Variants in KIF26A observed in about 807,000 individuals in gnomAD.
KIF26A encodes kinesin family member 26A.
In KIF26A, 74 loss-of-function variants were observed where a neutral mutation model predicts 126.0. The ratio of observed to expected loss-of-function variants is 0.59; its 90% CI spans 0.49 to 0.71. The LOEUF (loss-of-function observed/expected upper bound fraction) is 0.71, where lower values mean the gene tolerates loss of function less well. Ranked by LOEUF, KIF26A falls within the 30% of genes least tolerant of loss-of-function variation. KIF26A has a pLI of 0.00. For missense variants in KIF26A, 2,984 were observed against 2,763.3 expected (o/e 1.08, Z -1.79); for synonymous variants, 1,445 against 1,232.7 (o/e 1.17, Z -3.61).
At position 104,178,758 on chromosome 14, in the gene KIF26A, A is replaced by G; in HGVS notation, c.5316+3A>G. ...CCCCGAGGGAGGCCCCCACCCAGGT[A>G]GGGCCTTTGGTGGGCTGGGGTCTAT... On this transcript the variant is annotated splice_donor_region_variant and intron_variant, in intron 13 of 14. Transcript: ENST00000423312. 6.7e-7 allele frequency: 1 copy of G among 1,491,204 alleles called. No homozygotes were observed. The highest frequency in any genetic ancestry group is 2.1e-5 in the Admixed American group (1 of 47,572). The allele number at this position is 1,491,204 out of a possible 1,614,324, so 92.4% of individuals were successfully genotyped here.
chr14:104,149,322 C>A (rs980482702), intron 2 of KIF26A, among the ~76,000 whole-genome samples: 1 of 152,122 alleles, frequency 6.6e-6, no homozygotes, highest in African/African-American at 2.4e-5. Context: ...GGGAGGGGTG[C>A]GTGGCCCACT....
Position 104,148,084 on chromosome 14 carries a change from G to C in KIF26A, c.289-3931G>C, listed in dbSNP as rs967194480. 3.3e-5 allele frequency among the ~76,000 whole-genome samples: 5 copies of C among 152,208 alleles called. No individual in the cohort carries two copies. Among genetic ancestry groups the C allele is most frequent in the African/African-American group, 1.2e-4 (5 of 41,450 alleles). ...TGTTCTTTCCCATGGGCAGTGGCTT[G>C]GCTGGAGTGGGGAGACTTCTCTCCT... On this transcript the variant is annotated intron_variant, in intron 2 of 14. Coordinates refer to ENST00000423312, the MANE Select transcript of KIF26A (RefSeq NM_015656.2). This position sits in a 1 kb window ranked among gnomAD's most constrained non-coding sequence, Gnocchi z 4.3.
chr14:104,176,324 A>G lies in KIF26A; in HGVS notation c.3536A>G (p.Glu1179Gly). ...CCAACCTGGGGTCCGTGCCCTGGGG[A>G]AGTGGCTGCAGTGGCCCCATCCCGA... ...PGPTWGPCPG[E>G]VAAVAPSRPG... Residue 1179 changes from glutamate to glycine, a missense_variant, in exon 12 of 15, where the codon GAA becomes GGA. By Grantham distance (98) the Glu-to-Gly change is moderately conservative (BLOSUM62 -2). Coordinates refer to ENST00000423312, the MANE Select transcript of KIF26A (RefSeq NM_015656.2). 6.3e-7 allele frequency: 1 copy of G among 1,585,228 alleles called. No individual in the cohort carries two copies. The highest frequency in any genetic ancestry group is 1.3e-5 in the African/African-American group (1 of 74,476).
chr14:104,164,315 G>A (rs1341407522), intron 4 of KIF26A, among the ~76,000 whole-genome samples: 2 of 152,070 alleles, frequency 1.3e-5, no homozygotes, highest in Non-Finnish European at 2.9e-5. Flanking sequence ...AGCGCCGGTG[G>A]TCAGCGTTCA....
intron 2 of KIF26A, among the ~76,000 whole-genome samples, chr14:104,144,816 T>A (rs1017361774): frequency 1.3e-5 from 2 of 152,236 alleles, no homozygotes; most frequent in Non-Finnish European, 2.9e-5. Flanking sequence ...TGCAAGACAG[T>A]GTGGGCTATG....
Position 104,157,735 on chromosome 14 carries a change from C to T in KIF26A, c.736-20C>T, listed in dbSNP as rs1677698393. On this transcript the variant is annotated intron_variant, in intron 3 of 14. Coordinates refer to ENST00000423312, the MANE Select transcript of KIF26A (RefSeq NM_015656.2). ...TCTCTGCCCTTGCGTTCCTTATACG[C>T]ACTCTCTCCTTCCCTCCAGGCCGAG... The T allele has an allele frequency of 6.2e-7, 1 of 1,607,120 alleles. No individual in the cohort carries two copies.
intron 6 of KIF26A, 141 bp downstream of exon 6, chr14:104,172,076 C>T (rs1047546933): frequency 1.8e-5 from 14 of 794,992 alleles, no homozygotes; most frequent in Non-Finnish European, 2.7e-5. Flanking sequence ...GCGGCGCCTG[C>T]CTGCTTACCT....
At chr14:104,146,160 C>G (rs1051353169) in intron 2 of KIF26A, among the ~76,000 whole-genome samples, 1 of 152,204 alleles carries the variant, frequency 6.6e-6, no homozygotes, top group Non-Finnish European at 1.5e-5. Flanking sequence ...GGGTCACAGA[C>G]TCCTGGTAGC....
chr14:104,174,003 G>A (rs1049015283), intron 10 of KIF26A, 135 bp downstream of exon 10: 7 of 1,392,170 alleles, frequency 5.0e-6, no homozygotes, highest in East Asian at 5.0e-5. Context: ...GACAGGCCTC[G>A]CTGCCCGTGG....
chr14:104,177,921 C>T, intron 12 of KIF26A, 23 bp downstream of exon 12: 4 of 1,483,334 alleles, frequency 2.7e-6, no homozygotes, highest in Non-Finnish European at 3.6e-6. Flanking sequence ...GTGCACAGCC[C>T]TCTACAGTTT....
chr14:104,139,308 G>C lies in KIF26A; in HGVS notation c.288+20G>C. The stretch of plus-strand genomic sequence containing the variant: ...CTCCGGGTAAGTGACACTTCCTTAG[G>C]CCGACCCCTCCGAGCAGGGCCACGC... On this transcript the variant is annotated intron_variant, in intron 2 of 14. Transcript: ENST00000423312. 1 of 1,461,322 alleles carries C rather than the reference G, an allele frequency of 6.8e-7. No homozygotes were observed. Among genetic ancestry groups the C allele is most frequent in the Non-Finnish European group, 9.1e-7 (1 of 1,101,796 alleles). The allele number at this position is 1,461,322 out of a possible 1,614,324, so 90.5% of individuals were successfully genotyped here. A position where few individuals can be genotyped will look rare whatever the true frequency, so the allele number is the denominator to read the frequency against.
chr14:104,143,190 C>A (rs912145124), intron 2 of KIF26A, among the ~76,000 whole-genome samples: 8 of 152,244 alleles, frequency 5.3e-5, no homozygotes, highest in African/African-American at 1.9e-4. Context: ...CATCCTTATG[C>A]CCCCAAGAGC....
intron 4 of KIF26A, 134 bp downstream of exon 4, chr14:104,158,076 G>A (rs2037799780): frequency 2.3e-6 from 2 of 863,020 alleles, no homozygotes; most frequent in South Asian, 2.4e-5. Flanking sequence ...ATGGGGAGCT[G>A]CTCCGACCAC....
intron 2 of KIF26A, among the ~76,000 whole-genome samples, chr14:104,146,861 C>T (rs561420448): frequency 2.0e-4 from 30 of 152,210 alleles, no homozygotes; most frequent in Admixed American, 1.6e-3. Context: ...AGGAGGCGGG[C>T]GCTCTGGGGG....
At chr14:104,145,385 G>C (rs2037671387) in intron 2 of KIF26A, among the ~76,000 whole-genome samples, 1 of 152,162 alleles carries the variant, frequency 6.6e-6, no homozygotes, top group South Asian at 2.1e-4. Flanking sequence ...CAGCCCACCT[G>C]TCCCCGACCC....
rs548653663 is a variant in KIF26A at position 104,162,682 on chromosome 14, G to A, written c.924-4177G>A. On this transcript the variant is annotated intron_variant, in intron 4 of 14. Coordinates refer to ENST00000423312, the MANE Select transcript of KIF26A (RefSeq NM_015656.2). ...GCCCAGCCTTGGGAGGGGCTGCAGG[G>A]GAGGGTGGAGGAGCTGGCTCTGGGT... Among the ~76,000 whole-genome samples, 29 of 152,266 alleles carry A rather than the reference G, an allele frequency of 1.9e-4. No homozygotes were observed. The South Asian group carries it at 6.0e-3, about 32-fold the overall frequency.
Position 104,176,450 on chromosome 14 carries a change from C to T in KIF26A, c.3662C>T (p.Thr1221Ile), listed in dbSNP as rs2038029150. ...AAACCGAGGACTGCCTCTGCCACCA[C>T]CCGTGTGGGCTGTGCTCGCCTGGGC... The part of the protein sequence containing the change: ...PRKPRTASAT[T>I]RVGCARLGQS... Residue 1221 changes from threonine (T) to isoleucine (I), a missense_variant, in exon 12 of 15, where the codon ACC (threonine) becomes ATC (isoleucine). Transcript: ENST00000423312. 6.2e-7 allele frequency: 1 copy of T among 1,604,602 alleles called. No homozygotes were observed. Among genetic ancestry groups the T allele is most frequent in the Non-Finnish European group, 8.5e-7 (1 of 1,176,658 alleles).
chr14:104,151,763 G>A lies in KIF26A; in HGVS notation c.289-252G>A, dbSNP rs961796771. ...AAACCTGCCTTGTTAGCCGCAGGCC[G>A]GGGCGCTTAATGACGGCTGGGGAAG... On this transcript the variant is annotated intron_variant, in intron 2 of 14. Coordinates refer to ENST00000423312, the MANE Select transcript of KIF26A (RefSeq NM_015656.2). The surrounding 1 kb of genome is among the most constrained non-coding windows in gnomAD (Gnocchi z 4.9). Among the ~76,000 whole-genome samples the A allele has an allele frequency of 1.3e-5, 2 of 152,358 alleles. No individual in the cohort carries two copies. The highest frequency in any genetic ancestry group is 3.9e-4 in the East Asian group (2 of 5,178).
intron 3 of KIF26A, among the ~76,000 whole-genome samples, chr14:104,155,592 C>T (rs1351090640): frequency 6.6e-6 from 1 of 152,220 alleles, no homozygotes; most frequent in Non-Finnish European, 1.5e-5. Context: ...CCTCCCCTGC[C>T]CCCGGCTCTC....
Sources: allele counts gnomAD v4.1 joint callset (sites outside exome capture counted in the v4.1 genomes callset), GRCh38; gene constraint gnomAD v4.1.1; non-coding constraint Gnocchi (gnomAD v3.1); transcripts MANE v1.5; gene names NCBI Gene and HGNC (gene_info 2026-07-23, HGNC 2026-07-21).